CABLES2: variants seen among roughly 807,000 people sequenced by gnomAD.
CABLES2 encodes the protein Cdk5 and Abl enzyme substrate 2, also known as CDK5 and ABL1 enzyme substrate 2.
A neutral mutation model predicts 44.8 loss-of-function variants in CABLES2; 35 were observed. The ratio of observed to expected loss-of-function variants is 0.78; its 90% CI spans 0.60 to 1.04. The LOEUF (loss-of-function observed/expected upper bound fraction) is 1.04. Among genes scored for constraint, CABLES2 ranks in the 50% least tolerant of loss-of-function variants. The pLI is 0.00. For synonymous variants in CABLES2, 282 were observed against 281.1 expected, an observed-to-expected ratio of 1.00 and a Z score of -0.03; for missense variants, 566 against 615.7, an observed-to-expected ratio of 0.92 and a Z score of 0.85.
chr20:62,390,682 C>T lies in CABLES2; in HGVS notation c.*289G>A, dbSNP rs144058645. On this transcript the variant is annotated 3_prime_UTR_variant, in exon 10 of 10. Transcript: ENST00000279101. ...AAAGGTCCTGGTACCAGGCTGGTCT[C>T]AGGCACGTGAAAAAAATACCAGTAA... The T allele has an allele frequency of 7.3e-5, 32 of 437,962 alleles. No individual in the cohort carries two copies. The highest frequency in any genetic ancestry group is 5.3e-4 in the African/African-American group (27 of 50,748). 27.1% of individuals were successfully genotyped at this position (437,962 alleles called of 1,614,324 possible). A position where few individuals can be genotyped will look rare whatever the true frequency, so the allele number is the denominator to read the frequency against.
Position 62,396,018 on chromosome 20 carries a change from G to A in CABLES2, c.527+297C>T, listed in dbSNP as rs987011004. 8.5e-5 allele frequency among the ~76,000 whole-genome samples: 13 copies of A among 152,230 alleles called. No homozygotes were observed. The highest frequency in any genetic ancestry group is 2.9e-4 in the African/African-American group (12 of 41,448). ...ACATCTCACAGCCACACCCGTTTCT[G>A]TGTCTCCAGTTTTCCTTCACGTCAG... On this transcript the variant is annotated intron_variant, in intron 3 of 9. Coordinates refer to ENST00000279101, the MANE Select transcript of CABLES2 (RefSeq NM_031215.3). This position sits in a 1 kb window ranked among gnomAD's most constrained non-coding sequence, Gnocchi z 5.7.
At chr20:62,394,658 C>T (rs181254912) in intron 4 of CABLES2, among the ~76,000 whole-genome samples, 1 of 152,322 alleles carries the variant, frequency 6.6e-6, no homozygotes, top group East Asian at 1.9e-4. Context: ...TGGATGGTCA[C>T]AGCACCAAGT....
In CABLES2 at chr20:62,388,655, G is replaced by A. The variant is rs1433130238; in HGVS notation, c.*2316C>T. On this transcript the variant is annotated 3_prime_UTR_variant, in exon 10 of 10. Transcript: ENST00000279101. ...CATATTGCAAAACTGAGGTTTAAAG[G>A]ACAAATACATTATCCATTTAAAAAC... 4.9e-6 allele frequency: 3 copies of A among 614,786 alleles called. No homozygotes were observed. Among genetic ancestry groups the A allele is most frequent in the Non-Finnish European group, 5.8e-6 (2 of 347,700 alleles). 38.1% of individuals were successfully genotyped at this position (614,786 alleles called of 1,614,324 possible). A position where few individuals can be genotyped will look rare whatever the true frequency, so the allele number is the denominator to read the frequency against.
rs1988015705 is a variant in CABLES2 at position 62,396,224 on chromosome 20, G to T, written c.527+91C>A. ...TGTGGGGTGGGCGGGAGCTTTGGGA[G>T]TGGAGGGAAGATTGCTTGGCTGACA... On this transcript the variant is annotated intron_variant, in intron 3 of 9. Coordinates refer to ENST00000279101, the MANE Select transcript of CABLES2 (RefSeq NM_031215.3). This position sits in a 1 kb window ranked among gnomAD's most constrained non-coding sequence, Gnocchi z 5.7. 9.2e-7 allele frequency: 1 copy of T among 1,088,818 alleles called. No homozygotes were observed. The allele number at this position is 1,088,818 out of a possible 1,614,324, so 67.4% of individuals were successfully genotyped here. A position where few individuals can be genotyped will look rare whatever the true frequency, so the allele number is the denominator to read the frequency against.
intron 5 of CABLES2, 51 bp downstream of exon 5, chr20:62,394,106 G>T: frequency 6.9e-7 from 1 of 1,457,278 alleles, no homozygotes; most frequent in Non-Finnish European, 9.6e-7. Flanking sequence ...GCTCCCACCC[G>T]CCTGCCTGGC....
rs1437869194 is a variant in CABLES2 at position 62,399,384 on chromosome 20, C to T, written c.363-2792G>A. The stretch of plus-strand genomic sequence containing the variant: ...GCCTCAGCCTCCTGAGTAGCTGGGA[C>T]TACAGGCGCCCGCCACCACGCTCAG... On this transcript the variant is annotated intron_variant, in intron 1 of 9. Coordinates refer to ENST00000279101, the MANE Select transcript of CABLES2 (RefSeq NM_031215.3). 2.0e-5 allele frequency among the ~76,000 whole-genome samples: 3 copies of T among 151,324 alleles called. No homozygotes were observed. The South Asian group carries it at 6.3e-4, about 32-fold the overall frequency.
In CABLES2 at chr20:62,396,856, TAGCAC is replaced by T. The variant is rs757855078; in HGVS notation, c.363-269_363-265del. 7.9e-5 allele frequency among the ~76,000 whole-genome samples: 12 copies of T among 152,026 alleles called. No individual in the cohort carries two copies. Among genetic ancestry groups the T allele is most frequent in the South Asian group, 2.1e-4 (1 of 4,832 alleles). ...GGGGACAGGCTCCTCAGGCATAGGA[TAGCAC>T]AGCACAGCACAGCACGCCAACCTGC... On this transcript the variant is annotated intron_variant, in intron 1 of 9. Coordinates refer to ENST00000279101, the MANE Select transcript of CABLES2 (RefSeq NM_031215.3). The surrounding 1 kb of genome is among the most constrained non-coding windows in gnomAD (Gnocchi z 5.7).
At position 62,392,200 on chromosome 20, in the gene CABLES2, C is replaced by T. The variant is rs551796342; in HGVS notation, c.1091+189G>A. 4.5e-3 allele frequency among the ~76,000 whole-genome samples: 437 copies of T among 97,518 alleles called. 2 individuals carry two copies. Among genetic ancestry groups the T allele is most frequent in the South Asian group, 0.019 (56 of 2,992 alleles). The allele number at this position is 97,518 out of a possible 152,430, so 64.0% of individuals were successfully genotyped here. A position where few individuals can be genotyped will look rare whatever the true frequency, so the allele number is the denominator to read the frequency against. On this transcript the variant is annotated intron_variant, in intron 8 of 9. Coordinates refer to ENST00000279101, the MANE Select transcript of CABLES2 (RefSeq NM_031215.3). ...GGGGGGATGCAGTGTGATGGGGCCA[C>T]GGGGGGCCTGGCTTGGCGGGCGGTG...
rs923440016 is a variant in CABLES2 at position 62,401,914 on chromosome 20, G to A, written c.362+5001C>T. ...CGTCCAAAACATGCAAGGAACAAGC[G>A]AGCAAAGCAGAAAGAACGAGGCCCT... On this transcript the variant is annotated intron_variant, in intron 1 of 9. Transcript: ENST00000279101. Among the ~76,000 whole-genome samples the A allele has an allele frequency of 3.9e-5, 6 of 152,240 alleles. No homozygotes were observed. The East Asian group carries it at 1.2e-3, about 29-fold the overall frequency.
rs757199080 is a variant in CABLES2, at chr20:62,390,954, C to T, written c.*17G>A. 73 of 1,613,514 alleles carry T rather than the reference C, an allele frequency of 4.5e-5. No homozygotes were observed. In the South Asian group the frequency reaches 7.9e-4, roughly 17 times the overall value. On this transcript the variant is annotated 3_prime_UTR_variant, in exon 10 of 10. Coordinates refer to ENST00000279101, the MANE Select transcript of CABLES2 (RefSeq NM_031215.3). ...GCAAGTGCACCTCGGTGCCCTGAGC[C>T]TTCTGTGGGGCCTCTGCTAGAACTG...
chr20:62,392,814 G>C, intron 7 of CABLES2, 106 bp downstream of exon 7: 1 of 982,012 alleles, frequency 1.0e-6, no homozygotes, highest in Non-Finnish European at 1.6e-6. Flanking sequence ...CGGGATGGGG[G>C]CACGTCACGC....
Position 62,391,390 on chromosome 20 carries a change from C to T in CABLES2, c.1155G>A (p.Met385Ile), listed in dbSNP as rs1354346707. 1.2e-6 allele frequency: 2 copies of T among 1,613,420 alleles called. No homozygotes were observed. Among genetic ancestry groups the T allele is most frequent in the Admixed American group, 3.3e-5 (2 of 60,030 alleles). Reference sequence around the variant, plus strand: ...CCAGCTTCTCAAAGTACACGTAGGCCATGGCCACCGTCACGGGCTCCAGGC... The same window carrying T: ...CCAGCTTCTCAAAGTACACGTAGGCTATGGCCACCGTCACGGGCTCCAGGC... ...ECSLEPVTVAMAYVYFEKLVL... is the reference protein window; with the variant it reads ...ECSLEPVTVAIAYVYFEKLVL... Residue 385 changes from methionine (M) to isoleucine (I), a missense_variant, in exon 9 of 10, where the codon ATG becomes ATA. Around this residue, in one of 2 missense-constraint regions of CABLES2, gnomAD observed 436 missense variants for 536.3 expected, o/e 0.81. Transcript: ENST00000279101. The surrounding 1 kb of genome is among the most constrained non-coding windows in gnomAD (Gnocchi z 5.7).
Position 62,389,999 on chromosome 20 carries a change from G to C in CABLES2, c.*972C>G, listed in dbSNP as rs776567593. ...GTGGTCAGTGCCCTCCTGCCTGAGG[G>C]TCAAGTGTGTTTTCAAGTCAACTTC... On this transcript the variant is annotated 3_prime_UTR_variant, in exon 10 of 10. Coordinates refer to ENST00000279101, the MANE Select transcript of CABLES2 (RefSeq NM_031215.3). 1 of 152,084 alleles carries C rather than the reference G, an allele frequency of 6.6e-6. No individual in the cohort carries two copies. Among genetic ancestry groups the C allele is most frequent in the African/African-American group, 2.4e-5 (1 of 41,382 alleles). The allele number at this position is 152,084 out of a possible 1,614,324, so 9.4% of individuals were successfully genotyped here. A position where few individuals can be genotyped will look rare whatever the true frequency, so the allele number is the denominator to read the frequency against.
chr20:62,398,098 T>TGGTGGTGGTTATGAC (rs1988088716), intron 1 of CABLES2, among the ~76,000 whole-genome samples: 3 of 135,802 alleles, frequency 2.2e-5, no homozygotes, highest in East Asian at 4.5e-4. Flanking sequence ...ACGGTGGTGG[T>TGGTGGTGGTTATGAC]GGTGGTGATG....
At chr20:62,404,122 A>C (rs1988237555) in intron 1 of CABLES2, 1 of 152,204 alleles carries the variant, frequency 6.6e-6, no homozygotes, top group Admixed American at 6.5e-5. Flanking sequence ...TAGAGGCTGC[A>C]GTGAGCTGTG....
chr20:62,398,074 TGGTGGTGGTGGTGAC>T lies in CABLES2; in HGVS notation c.363-1497_363-1483del, dbSNP rs1241152263. Among the ~76,000 whole-genome samples, 55 of 39,232 alleles carry T rather than the reference TGGTGGTGGTGGTGAC, an allele frequency of 1.4e-3. 1 individual carries two copies. In the East Asian group the frequency reaches 0.024, roughly 17 times the overall value. 25.7% of individuals were successfully genotyped at this position (39,232 alleles called of 152,430 possible). A position where few individuals can be genotyped will look rare whatever the true frequency, so the allele number is the denominator to read the frequency against. ...GTGATGGCGATGGTGGTGGTGACGG[TGGTGGTGGTGGTGAC>T]GGTGGTGGTGGTGGTGATGGTGGTG... On this transcript the variant is annotated intron_variant, in intron 1 of 9. Coordinates refer to ENST00000279101, the MANE Select transcript of CABLES2 (RefSeq NM_031215.3).
At position 62,396,461 on chromosome 20, in the gene CABLES2, G is replaced by C; in HGVS notation, c.435-54C>G. ...TTTCCTCCCAGGACCCTCTGGCCCC[G>C]CAGGGGTCAGTGGCAGCCCGAGCGG... On this transcript the variant is annotated intron_variant, in intron 2 of 9. Transcript: ENST00000279101. This position sits in a 1 kb window ranked among gnomAD's most constrained non-coding sequence, Gnocchi z 5.7. 4.3e-6 allele frequency: 7 copies of C among 1,610,766 alleles called. No individual in the cohort carries two copies. The highest frequency in any genetic ancestry group is 5.9e-6 in the Non-Finnish European group (7 of 1,177,042).
At chr20:62,398,205 A>ATGTGATGGTGG (rs1569017882) in intron 1 of CABLES2, among the ~76,000 whole-genome samples, 1 of 86,168 alleles carries the variant, frequency 1.2e-5, no homozygotes, top group East Asian at 3.4e-4. Flanking sequence ...GATGGTGGTG[A>ATGTGATGGTGG]TGGTGATGTG....
At chr20:62,393,122 CAGGGG>C (rs1987951209) in intron 6 of CABLES2, 99 bp from the exon 7 acceptor site, 1 of 1,055,530 alleles carries the variant, frequency 9.5e-7, no homozygotes, top group African/African-American at 1.6e-5. Flanking sequence ...CAAGGCCGAG[CAGGGG>C]AGGGGCTCTA....
Sources: gnomAD v4.1 joint callset for allele counts (sites outside exome capture counted in the v4.1 genomes callset) on GRCh38, gnomAD v4.1.1 for gene constraint, gnomAD v4.1.1 regional missense constraint, Gnocchi (gnomAD v3.1) non-coding constraint, MANE v1.5 for transcripts, NCBI Gene and HGNC (gene_info 2026-07-23, HGNC 2026-07-21) for gene names.